Variants in DPP10 observed in about 807,000 individuals in gnomAD.
The protein encoded by DPP10 is dipeptidyl peptidase like 10, also known as inactive dipeptidyl peptidase 10.
Under a neutral mutation model 120.9 loss-of-function variants are expected in DPP10, and 33 were observed. The ratio of observed to expected loss-of-function variants is 0.27; its 90% confidence interval spans 0.21 to 0.37. DPP10 has a LOEUF of 0.37. Among genes scored for constraint, DPP10 ranks in the 10% least tolerant of loss-of-function variants. The pLI is 1.00. For missense variants in DPP10, 816 were observed against 942.8 expected (o/e 0.87, Z 1.76); for synonymous variants, 337 against 326.1 (o/e 1.03, Z -0.36).
chr2:115,306,837 A>T (rs1390573434), intron 1 of DPP10, among the ~76,000 whole-genome samples: 1 of 152,150 alleles, frequency 6.6e-6, no homozygotes, highest in Non-Finnish European at 1.5e-5. Flanking sequence ...ATTTGCAAAC[A>T]TTACTGACTT....
chr2:115,125,068 T>C (rs2050007218), intron 1 of DPP10, among the ~76,000 whole-genome samples: 1 of 152,154 alleles, frequency 6.6e-6, no homozygotes, highest in Admixed American at 6.5e-5. Context: ...CTATCTACCA[T>C]AACTGTGAAA....
intron 1 of DPP10, among the ~76,000 whole-genome samples, chr2:115,094,505 A>G (rs1479369363): frequency 6.6e-6 from 1 of 152,194 alleles, no homozygotes; most frequent in Non-Finnish European, 1.5e-5. Context: ...TGCAATCCAT[A>G]AAATGAAAGG....
intron 5 of DPP10, among the ~76,000 whole-genome samples, chr2:115,642,339 A>G (rs951133994): frequency 1.3e-5 from 2 of 152,152 alleles, no homozygotes; most frequent in African/African-American, 2.4e-5. Flanking sequence ...TGGACTTTGA[A>G]TAAAGAAGAT....
intron 1 of DPP10, among the ~76,000 whole-genome samples, chr2:115,145,268 G>T (rs1413006736): frequency 6.6e-6 from 1 of 152,080 alleles, no homozygotes; most frequent in Non-Finnish European, 1.5e-5. Flanking sequence ...ATAGTTTCCT[G>T]TTCCTAAAAG....
intron 1 of DPP10, among the ~76,000 whole-genome samples, chr2:114,971,855 A>T (rs1055543556): frequency 3.3e-5 from 5 of 152,164 alleles, no homozygotes; most frequent in African/African-American, 9.7e-5. Context: ...ATAGTGAGAC[A>T]TTCATGTTTT....
At chr2:115,183,015 AC>A (rs2054181195) in intron 1 of DPP10, among the ~76,000 whole-genome samples, 1 of 150,954 alleles carries the variant, frequency 6.6e-6, no homozygotes, top group African/African-American at 2.4e-5. Context: ...TTACACGCAC[AC>A]ACACACACAC....
intron 1 of DPP10, among the ~76,000 whole-genome samples, chr2:115,258,509 T>C (rs1461350974): frequency 6.6e-6 from 1 of 152,092 alleles, no homozygotes; most frequent in East Asian, 1.9e-4. Context: ...TAAAATGTTG[T>C]TAAATAAATT....
intron 1 of DPP10, among the ~76,000 whole-genome samples, chr2:115,277,345 A>G (rs2059960099): frequency 6.6e-6 from 1 of 151,924 alleles, no homozygotes; most frequent in Non-Finnish European, 1.5e-5. Context: ...CCAGACTTTA[A>G]GACTGTCAGT....
At chr2:114,597,392 A>C (rs1025898503) in intron 1 of DPP10, among the ~76,000 whole-genome samples, 14 of 152,196 alleles carry the variant, frequency 9.2e-5, no homozygotes, top group Middle Eastern at 3.4e-3. Flanking sequence ...AAGCAGAGAA[A>C]TAATCAGAAC....
intron 5 of DPP10, among the ~76,000 whole-genome samples, chr2:115,641,360 TCA>T (rs2086766238): frequency 1.3e-5 from 2 of 152,184 alleles, no homozygotes; most frequent in South Asian, 4.1e-4. Context: ...TGTCATCTCC[TCA>T]CAGTCTTCCT....
chr2:115,546,472 C>T (rs556659612), intron 5 of DPP10, among the ~76,000 whole-genome samples: 3 of 152,088 alleles, frequency 2.0e-5, no homozygotes, highest in East Asian at 1.9e-4. Flanking sequence ...CTTTCTTTTC[C>T]ATTCATTTAG....
intron 1 of DPP10, among the ~76,000 whole-genome samples, chr2:115,028,636 C>A (rs561790891): frequency 6.6e-6 from 1 of 151,966 alleles, no homozygotes; most frequent in Non-Finnish European, 1.5e-5. Flanking sequence ...TTTTTGTCCA[C>A]TACTGAAAGT....
At chr2:115,379,108 A>G (rs2066064052) in intron 3 of DPP10, among the ~76,000 whole-genome samples, 1 of 152,086 alleles carries the variant, frequency 6.6e-6, no homozygotes, top group Non-Finnish European at 1.5e-5. Flanking sequence ...TATTGATTGG[A>G]ATAGTTTCAG....
intron 1 of DPP10, among the ~76,000 whole-genome samples, chr2:114,940,936 A>G (rs1375809502): frequency 2.0e-5 from 3 of 152,240 alleles, no homozygotes; most frequent in Middle Eastern, 3.4e-3. Flanking sequence ...AGACTCTTAC[A>G]TCCTTATTCA....
intron 1 of DPP10, among the ~76,000 whole-genome samples, chr2:114,449,438 T>A (rs1309473371): frequency 6.6e-6 from 1 of 151,996 alleles, no homozygotes; most frequent in African/African-American, 2.4e-5. Flanking sequence ...GCTTATTTCT[T>A]GGAAATTCTT....
chr2:115,566,312 T>G (rs1487859741), intron 5 of DPP10, among the ~76,000 whole-genome samples: 1 of 152,252 alleles, frequency 6.6e-6, no homozygotes, highest in East Asian at 1.9e-4. Flanking sequence ...CCACTGAGTT[T>G]TCTTGACTGA....
chr2:115,384,774 T>C (rs1190731789), intron 3 of DPP10, among the ~76,000 whole-genome samples: 1 of 152,052 alleles, frequency 6.6e-6, no homozygotes, highest in Non-Finnish European at 1.5e-5. Context: ...CCTGCAACTC[T>C]TCTGCCCCAA....
chr2:115,392,830 T>C (rs1173076857), intron 3 of DPP10, among the ~76,000 whole-genome samples: 1 of 152,194 alleles, frequency 6.6e-6, no homozygotes, highest in African/African-American at 2.4e-5. Context: ...GTGAAAACAT[T>C]ATTTTTTCTT....
intron 1 of DPP10, among the ~76,000 whole-genome samples, chr2:114,521,247 C>CACAG (rs2104657005): frequency 8.6e-6 from 1 of 116,704 alleles, no homozygotes; most frequent in Non-Finnish European, 1.8e-5. Context: ...CTCTCACATG[C>CACAG]ACAGACACAC....
Sources: gnomAD v4.1 joint callset for allele counts (sites outside exome capture counted in the v4.1 genomes callset) on GRCh38, gnomAD v4.1.1 for gene constraint, MANE v1.5 for transcripts, NCBI Gene and HGNC (gene_info 2026-07-23, HGNC 2026-07-21) for gene names.